Variants in HAS3 observed in about 807,000 individuals in gnomAD.
HAS3 encodes the protein hyaluronan synthase 3, also known as HA synthase 3.
In HAS3, 27 loss-of-function variants were observed where a neutral mutation model predicts 50.3. That is an observed-to-expected ratio of 0.54 (90% CI 0.40 to 0.74). The LOEUF is 0.74. Among genes scored for constraint, HAS3 ranks in the 30% least tolerant of loss-of-function variants. HAS3 has a pLI of 0.00. For synonymous variants in HAS3, 339 were observed against 310.9 expected (o/e 1.09, Z -0.95); for missense variants, 517 against 742.8 (o/e 0.70, Z 3.53).
At chr16:69,089,363 G>C in the HAS3 span, among the ~76,000 whole-genome samples, 1 of 152,216 alleles carries the variant, frequency 6.6e-6, no homozygotes, top group Non-Finnish European at 1.5e-5. Context: ...CTGTGGCAAA[G>C]GGAGAGAGTC....
Position 69,107,730 on chromosome 16 carries a change from C to A in HAS3, c.1-1666C>A. 1.0e-6 allele frequency: 1 copy of A among 983,320 alleles called. No individual in the cohort carries two copies. Among genetic ancestry groups the A allele is most frequent in the Non-Finnish European group, 1.2e-6 (1 of 827,962 alleles). 60.9% of individuals were successfully genotyped at this position (983,320 alleles called of 1,614,324 possible). On this transcript the variant is annotated intron_variant, in intron 1 of 3. Coordinates refer to ENST00000569188, the MANE Select transcript of HAS3 (RefSeq NM_001199280.2). This position sits in a 1 kb window ranked among gnomAD's most constrained non-coding sequence, Gnocchi z 5.5. The stretch of plus-strand genomic sequence containing the variant: ...GGAGGGGAATGGGGGCGCTCCTAGG[C>A]TGCGGATGCAGGCCTGGGGACTCCT...
At chr16:69,094,592 C>T in the HAS3 span, among the ~76,000 whole-genome samples, 7 of 152,116 alleles carry the variant, frequency 4.6e-5, no homozygotes, top group African/African-American at 1.7e-4. Flanking sequence ...ACTCCATTCC[C>T]CAAAAGAGAG....
upstream of HAS3, among the ~76,000 whole-genome samples, chr16:69,105,005 T>TG (rs1960752594): frequency 5.3e-5 from 4 of 75,616 alleles, no homozygotes; most frequent in Non-Finnish European, 1.1e-4. Context: ...TTTTTTTTTT[T>TG]TTTTTTTTTT....
chr16:69,101,874 TC>T (rs1960701353), upstream of HAS3, among the ~76,000 whole-genome samples: 3 of 151,784 alleles, frequency 2.0e-5, no homozygotes, highest in Admixed American at 2.0e-4. Flanking sequence ...AACCTCCGCC[TC>T]CCGGGTTCAA....
At chr16:69,100,736 G>A (rs1158442521), upstream of HAS3, among the ~76,000 whole-genome samples, 1 of 152,178 alleles carries the variant, frequency 6.6e-6, no homozygotes, top group Non-Finnish European at 1.5e-5. Flanking sequence ...GGATATTTGA[G>A]CATTTCGTGA....
upstream of HAS3, among the ~76,000 whole-genome samples, chr16:69,104,450 C>T (rs1041623224): frequency 1.3e-5 from 2 of 152,124 alleles, no homozygotes; most frequent in East Asian, 3.9e-4. Flanking sequence ...GCACGTGCCA[C>T]CATGCCTGGC....
intron 2 of HAS3, among the ~76,000 whole-genome samples, chr16:69,110,661 A>C (rs1414687457): frequency 6.6e-6 from 1 of 152,160 alleles, no homozygotes; most frequent in African/African-American, 2.4e-5. Flanking sequence ...GGTGAAAGCA[A>C]AGCACAGAGA....
At chr16:69,118,702 A>G, downstream of HAS3, 1 of 654,150 alleles carries the variant, frequency 1.5e-6, no homozygotes, top group Non-Finnish European at 2.8e-6. Flanking sequence ...TTCAGTCAAG[A>G]AAAACGCAAA....
the HAS3 span, among the ~76,000 whole-genome samples, chr16:69,095,374 T>C: frequency 1.3e-5 from 2 of 152,112 alleles, no homozygotes; most frequent in African/African-American, 2.4e-5. Context: ...ACACTCTTCT[T>C]ACGTGCTCTA....
chr16:69,101,787 T>G (rs559036761), upstream of HAS3, among the ~76,000 whole-genome samples: 1 of 123,156 alleles, frequency 8.1e-6, no homozygotes. Flanking sequence ...ATACTTGTAC[T>G]CTTTTTTTTT....
chr16:69,117,888 T>TC (rs1347768849), downstream of HAS3: 1 of 171,232 alleles, frequency 5.8e-6, no homozygotes, highest in Non-Finnish European at 1.3e-5. Flanking sequence ...AAAGCTTGCT[T>TC]CCTCTTGGAG....
intron 2 of HAS3, among the ~76,000 whole-genome samples, chr16:69,110,568 C>T (rs116128761): frequency 0.02 from 3,044 of 152,292 alleles, 27 homozygotes; most frequent in Non-Finnish European, 0.026. Context: ...CAGGCACATA[C>T]ACCACCGCAC....
the HAS3 span, among the ~76,000 whole-genome samples, chr16:69,096,444 G>A: frequency 1.4e-5 from 2 of 147,424 alleles, no homozygotes; most frequent in African/African-American, 5.0e-5. Flanking sequence ...GCTGAGGCAG[G>A]AGAATTGCTT....
At chr16:69,083,881 A>C in the HAS3 span, 3 of 478,560 alleles carry the variant, frequency 6.3e-6, no homozygotes, top group Non-Finnish European at 1.1e-5. Flanking sequence ...TTAAGAGAAG[A>C]CAGTTACAGA....
At chr16:69,118,279 C>T (rs1961314937), downstream of HAS3, 2 of 919,190 alleles carry the variant, frequency 2.2e-6, no homozygotes, top group Non-Finnish European at 3.6e-6. Context: ...GCTGCAGGCC[C>T]AGTCAGTCAA....
Position 69,107,533 on chromosome 16 carries a change from G to C in HAS3, c.-1+1746G>C. 1.0e-6 allele frequency: 1 copy of C among 985,574 alleles called. No homozygotes were observed. The highest frequency in any genetic ancestry group is 1.2e-6 in the Non-Finnish European group (1 of 830,038). 61.1% of individuals were successfully genotyped at this position (985,574 alleles called of 1,614,324 possible). ...GGCGAGGCTCGAGCGGGGATGAGAAGCGTGGCGAGTGCGTTCGCGGCTGCT... is the reference window on the plus strand; with the variant it reads ...GGCGAGGCTCGAGCGGGGATGAGAACCGTGGCGAGTGCGTTCGCGGCTGCT... On this transcript the variant is annotated intron_variant, in intron 1 of 3. Transcript: ENST00000569188. This position sits in a 1 kb window ranked among gnomAD's most constrained non-coding sequence, Gnocchi z 5.5.
At chr16:69,083,703 A>G in the HAS3 span, 1 of 1,535,366 alleles carries the variant, frequency 6.5e-7, no homozygotes, top group African/African-American at 1.4e-5. Flanking sequence ...AGGGCCAGGC[A>G]CCCAGAGCCG....
chr16:69,096,481 A>C, the HAS3 span, among the ~76,000 whole-genome samples: 2 of 127,358 alleles, frequency 1.6e-5, no homozygotes, highest in Non-Finnish European at 1.6e-5. Context: ...GGTTGCCGTG[A>C]GCAAAGATCA....
At chr16:69,090,227 C>T in the HAS3 span, among the ~76,000 whole-genome samples, 3,932 of 152,242 alleles carry the variant, frequency 0.026, 171 homozygotes, top group African/African-American at 0.089. Flanking sequence ...CGTTTGTGCT[C>T]CACTGACACA....
Sources: gnomAD v4.1 joint callset for allele counts (sites outside exome capture counted in the v4.1 genomes callset) on GRCh38, gnomAD v4.1.1 for gene constraint, Gnocchi (gnomAD v3.1) non-coding constraint, MANE v1.5 for transcripts, NCBI Gene and HGNC (gene_info 2026-07-23, HGNC 2026-07-21) for gene names.